EPHA8: variants seen among roughly 807,000 people sequenced by gnomAD.
EPHA8 encodes EPH receptor A8, also known as ephrin type-A receptor 8.
A neutral mutation model predicts 103.6 loss-of-function variants in EPHA8; 58 were observed. That is an observed-to-expected ratio of 0.56 (90% CI 0.45 to 0.70). The LOEUF is 0.70. EPHA8 is among the 30% of genes least tolerant of loss of function. The pLI is 0.00. For missense variants in EPHA8, 1,304 were observed against 1,395.2 expected (o/e 0.93, Z 1.04); for synonymous variants, 559 against 572.5 (o/e 0.98, Z 0.34).
intron 3 of EPHA8, among the ~76,000 whole-genome samples, chr1:22,580,846 T>A (rs1641024833): frequency 6.6e-6 from 1 of 152,222 alleles, no homozygotes; most frequent in Non-Finnish European, 1.5e-5. Context: ...CAGGTCTGTA[T>A]TGCTCTGAGC....
intron 2 of EPHA8, among the ~76,000 whole-genome samples, chr1:22,570,334 A>G (rs558376542): frequency 1.3e-5 from 2 of 151,880 alleles, no homozygotes; most frequent in East Asian, 1.9e-4. Context: ...ACACACGCAC[A>G]TGCACATGCG....
intron 1 of EPHA8, among the ~76,000 whole-genome samples, chr1:22,565,329 T>C (rs1640326925): frequency 6.6e-6 from 1 of 151,746 alleles, no homozygotes; most frequent in Non-Finnish European, 1.5e-5. Context: ...AGAAGTGAGA[T>C]GCCGGCAGAG....
At chr1:22,593,200 G>C in intron 5 of EPHA8, 126 bp from the exon 6 acceptor site, 1 of 1,386,618 alleles carries the variant, frequency 7.2e-7, no homozygotes. Context: ...TCCTGGGGCT[G>C]GGGCAGGACC....
Position 22,569,179 on chromosome 1 carries a change from A to G in EPHA8, c.95-110A>G, listed in dbSNP as rs879115982. ...GCATTCAGGCAGAGGGACCCGTGTG[A>G]GCTGTGTGCTGGGGGCTGAGTGTGG... On this transcript the variant is annotated intron_variant, in intron 1 of 16. Transcript: ENST00000166244. The surrounding 1 kb of genome is among the most constrained non-coding windows in gnomAD (Gnocchi z 4.5). The G allele has an allele frequency of 9.9e-7, 1 of 1,013,200 alleles. No homozygotes were observed. The highest frequency in any genetic ancestry group is 1.4e-5 in the South Asian group (1 of 73,960). 62.8% of individuals were successfully genotyped at this position (1,013,200 alleles called of 1,614,324 possible). A position where few individuals can be genotyped will look rare whatever the true frequency, so the allele number is the denominator to read the frequency against.
At chr1:22,587,776 A>G (rs1324746179) in intron 4 of EPHA8, among the ~76,000 whole-genome samples, 1 of 152,152 alleles carries the variant, frequency 6.6e-6, no homozygotes, top group Non-Finnish European at 1.5e-5. Context: ...GCCTCCCTGC[A>G]CATGGCAGGC....
chr1:22,579,657 G>C lies in EPHA8; in HGVS notation c.823+2777G>C, dbSNP rs577505169. 7.2e-5 allele frequency among the ~76,000 whole-genome samples: 11 copies of C among 152,276 alleles called. No individual in the cohort carries two copies. The South Asian group carries it at 2.3e-3, about 32-fold the overall frequency. ...GTTTTCTTTGGTCTCATGAGTGGCTGGGCACATGGTGGCTCAGCCCCCCGG... is the reference window on the plus strand; with the variant it reads ...GTTTTCTTTGGTCTCATGAGTGGCTCGGCACATGGTGGCTCAGCCCCCCGG... On this transcript the variant is annotated intron_variant, in intron 3 of 16. Transcript: ENST00000166244.
At chr1:22,601,566 G>A in intron 16 of EPHA8, 61 bp from the exon 17 acceptor site, 1 of 1,587,126 alleles carries the variant, frequency 6.3e-7, no homozygotes, top group African/African-American at 1.3e-5. Flanking sequence ...CATGGCCCTG[G>A]CTGCGTGCGC....
Position 22,576,255 on chromosome 1 carries a change from C to G in EPHA8, c.198C>G (p.Pro66=). 2 of 1,613,410 alleles carry G rather than the reference C, an allele frequency of 1.2e-6. No individual in the cohort carries two copies. Among genetic ancestry groups the G allele is most frequent in the South Asian group, 2.2e-5 (2 of 91,008 alleles). ...ACGAGGTGGACGAGTCCTTCCAGCC[C>G]ATCCACACGTACCAGGTTTGCAACG... ...SINEVDESFQ[P]IHTYQVCNVM... The change falls in exon 3 of 17, where the codon CCC becomes CCG. Residue 66 remains proline, a synonymous_variant. Transcript: ENST00000166244. The surrounding 1 kb of genome is among the most constrained non-coding windows in gnomAD (Gnocchi z 4.8).
rs1570030968 is a variant in EPHA8, at chr1:22,598,075, G to A, written c.2117-76G>A. 2 of 1,522,562 alleles carry A rather than the reference G, an allele frequency of 1.3e-6. No individual in the cohort carries two copies. Among genetic ancestry groups the A allele is most frequent in the South Asian group, 1.1e-5 (1 of 89,082 alleles). The allele number at this position is 1,522,562 out of a possible 1,614,324, so 94.3% of individuals were successfully genotyped here. On this transcript the variant is annotated intron_variant, in intron 11 of 16. Transcript: ENST00000166244. The surrounding 1 kb of genome is among the most constrained non-coding windows in gnomAD (Gnocchi z 5.1). ...GTGCTGGCACAGGTCCTGAGATGGT[G>A]GTATGCTCCTGGGGTCTCTGATCAG...
intron 3 of EPHA8, among the ~76,000 whole-genome samples, chr1:22,585,809 T>C (rs1324202944): frequency 6.6e-6 from 1 of 152,094 alleles, no homozygotes; most frequent in East Asian, 1.9e-4. Flanking sequence ...CTGCGCTTCT[T>C]GGATAGTCAC....
Position 22,598,364 on chromosome 1 carries a change from G to A in EPHA8, c.2178+152G>A, listed in dbSNP as rs879327859. ...GCAGGTATAGGGAGGAGGTCTTCGA[G>A]TTCAGCCAGTCGAACTGCCTTTCGG... On this transcript the variant is annotated intron_variant, in intron 12 of 16. Coordinates refer to ENST00000166244, the MANE Select transcript of EPHA8 (RefSeq NM_020526.5). This position sits in a 1 kb window ranked among gnomAD's most constrained non-coding sequence, Gnocchi z 5.1. The A allele has an allele frequency of 1.4e-6, 1 of 719,082 alleles. No individual in the cohort carries two copies. The allele number at this position is 719,082 out of a possible 1,614,324, so 44.5% of individuals were successfully genotyped here.
At position 22,596,153 on chromosome 1, in the gene EPHA8, T is replaced by C. The variant is rs769125415; in HGVS notation, c.1745T>C (p.Met582Thr). 1.2e-6 allele frequency: 2 copies of C among 1,613,914 alleles called. No homozygotes were observed. The highest frequency in any genetic ancestry group is 2.2e-5 in the South Asian group (2 of 91,050). Residue 582 changes from methionine to threonine, a missense_variant, in exon 9 of 17, where the codon ATG becomes ACG. By Grantham distance (81) the Met-to-Thr change is moderately conservative (BLOSUM62 -1). Coordinates refer to ENST00000166244, the MANE Select transcript of EPHA8 (RefSeq NM_020526.5). Reference sequence around the variant, plus strand: ...TTCCAGGACTCGGACGAGGAGAAGATGCACTATCAGAATGGACAGGGTGAG... The same window carrying C: ...TTCCAGGACTCGGACGAGGAGAAGACGCACTATCAGAATGGACAGGGTGAG... ...KAFQDSDEEK[M>T]HYQNGQAPPP...
At chr1:22,566,653 A>G (rs1640367738) in intron 1 of EPHA8, among the ~76,000 whole-genome samples, 1 of 152,198 alleles carries the variant, frequency 6.6e-6, no homozygotes. Flanking sequence ...ATGGGCCCAC[A>G]GGGGAGAATT....
rs1480515620 is a variant in EPHA8 at position 22,569,345 on chromosome 1, G to T, written c.151G>T (p.Ala51Ser). 6.3e-7 allele frequency: 1 copy of T among 1,596,740 alleles called. No individual in the cohort carries two copies. ...HGDWGWLTYP[A>S]HGWDSINEVD... ...GGACTGGGGCTGGCTCACGTATCCGGCTCATGGGGTGAGTGATGGGCACTG... is the reference window on the plus strand; with the variant it reads ...GGACTGGGGCTGGCTCACGTATCCGTCTCATGGGGTGAGTGATGGGCACTG... The change falls in exon 2 of 17, where the codon GCT becomes TCT. Residue 51 changes from alanine to serine, a missense_variant. Physicochemically the swap from Ala to Ser is moderately conservative, Grantham distance 99. Transcript: ENST00000166244. The surrounding 1 kb of genome is among the most constrained non-coding windows in gnomAD (Gnocchi z 4.5).
intron 1 of EPHA8, among the ~76,000 whole-genome samples, chr1:22,564,916 T>C (rs209736): frequency 0.4 from 60,193 of 151,772 alleles, 13,344 homozygotes; most frequent in African/African-American, 0.62. Context: ...CCCAGACAGA[T>C]CACACATCTG....
rs780699593 is a variant in EPHA8, at chr1:22,576,451, G to A, written c.394G>A (p.Asp132Asn). 1.9e-6 allele frequency: 3 copies of A among 1,614,048 alleles called. No homozygotes were observed. Among genetic ancestry groups the A allele is most frequent in the African/African-American group, 2.7e-5 (2 of 75,044 alleles). Residue 132 changes from aspartate (D) to asparagine (N), a missense_variant, in exon 3 of 17, where the codon GAC (aspartate) becomes AAC (asparagine). Physicochemically the swap from Asp to Asn is conservative, Grantham distance 23 (BLOSUM62 1). Coordinates refer to ENST00000166244, the MANE Select transcript of EPHA8 (RefSeq NM_020526.5). The surrounding 1 kb of genome is among the most constrained non-coding windows in gnomAD (Gnocchi z 4.8). Reference sequence around the variant, plus strand: ...CCTCTACTACCTGGAGTCGGACCGCGACCTGGGGGCCAGCACACAAGAAAG... The same window carrying A: ...CCTCTACTACCTGGAGTCGGACCGCAACCTGGGGGCCAGCACACAAGAAAG... ...FNLYYLESDRDLGASTQESQF... is the reference protein window; with the variant it reads ...FNLYYLESDRNLGASTQESQF...
rs376945590 is a variant in EPHA8 at position 22,593,408 on chromosome 1, G to C, written c.1398G>C (p.Pro466=). Residue 466 remains proline (P), a synonymous_variant, in exon 6 of 17, where the codon CCG becomes CCC. Transcript: ENST00000166244. The stretch of plus-strand genomic sequence containing the variant: ...TGCTGTGGCAGGAGCCCGAGCAGCC[G>C]AACGGCATCATCCTGGAGTATGAGA... The part of the protein sequence containing the change: ...VSLLWQEPEQ[P]NGIILEYEIK... 6.3e-7 allele frequency: 1 copy of C among 1,596,314 alleles called. No individual in the cohort carries two copies. The highest frequency in any genetic ancestry group is 8.5e-7 in the Non-Finnish European group (1 of 1,172,842).
In EPHA8 at chr1:22,601,341, G is replaced by A. The variant is rs147939357; in HGVS notation, c.2771G>A (p.Arg924Gln). The A allele has an allele frequency of 9.2e-5, 148 of 1,607,548 alleles. No individual in the cohort carries two copies. In the African/African-American group the frequency reaches 1.1e-3, roughly 12 times the overall value. The change falls in exon 16 of 17, where the codon CGA (arginine) becomes CAA (glutamine). Residue 924 changes from arginine to glutamine, a missense_variant. Transcript: ENST00000166244. ...TTCGTCCGGAGCTGCTTTGACCTCC[G>A]AGGGGGCAGCGGTGGCGGTGGGGGC... ...PAFVRSCFDL[R>Q]GGSGGGGGLT... is the part of the protein sequence containing the mutation.
chr1:22,566,589 T>G (rs1216560200), intron 1 of EPHA8, among the ~76,000 whole-genome samples: 1 of 152,162 alleles, frequency 6.6e-6, no homozygotes, highest in East Asian at 1.9e-4. Context: ...TTCGCTTCAC[T>G]GAAGGGCCCT....
Sources: allele counts gnomAD v4.1 joint callset (sites outside exome capture counted in the v4.1 genomes callset), GRCh38; gene constraint gnomAD v4.1.1; non-coding constraint Gnocchi (gnomAD v3.1); transcripts MANE v1.5; gene names NCBI Gene and HGNC (gene_info 2026-07-23, HGNC 2026-07-21).